The following CEP95 variants were observed in gnomAD, a reference collection of about 807,000 sequenced individuals.
CEP95 encodes centrosomal protein 95.
CEP95 carries 98 observed loss-of-function variants against 111.2 expected under a neutral mutation model. That is an observed-to-expected ratio of 0.88 (90% confidence interval 0.75 to 1.04). CEP95 has a LOEUF of 1.04. Ranked by LOEUF, CEP95 falls within the 50% of genes least tolerant of loss-of-function variation. The pLI, the probability that CEP95 is intolerant of heterozygous loss-of-function variation, is 0.00. For missense variants in CEP95, 1,027 were observed against 977.2 expected, an observed-to-expected ratio of 1.05 and a Z score of -0.68; for synonymous variants, 323 against 327.1, an observed-to-expected ratio of 0.99 and a Z score of 0.14.
intron 11 of CEP95, among the ~76,000 whole-genome samples, chr17:64,527,904 A>ACG (rs1421872792): frequency 2.7e-5 from 4 of 150,014 alleles, no homozygotes; most frequent in African/African-American, 7.4e-5. Flanking sequence ...ACACACACAC[A>ACG]CACGCGTGTA....
rs1254163112 is a variant in CEP95 at position 64,529,324 on chromosome 17, A to G, written c.1343A>G (p.His448Arg). The G allele has an allele frequency of 2.5e-6, 4 of 1,613,790 alleles. No individual in the cohort carries two copies. The highest frequency in any genetic ancestry group is 3.4e-6 in the Non-Finnish European group (4 of 1,179,812). The change falls in exon 12 of 20, where the codon CAT becomes CGT. Residue 448 changes from histidine to arginine, a missense_variant. Coordinates refer to ENST00000556440, the MANE Select transcript of CEP95 (RefSeq NM_138363.3). Reference protein sequence around the residue: ...SMRRKPPYRSHSLSPSPVNKH... With the variant: ...SMRRKPPYRSRSLSPSPVNKH... ...CGTAGAAAGCCACCCTACAGATCCC[A>G]TTCGCTCTCTCCATCTCCAGTTAAC...
Position 64,533,193 on chromosome 17 carries a change from T to C in CEP95, c.1917+2T>C, listed in dbSNP as rs1181659473. Reference sequence around the variant, plus strand: ...GAATATGAACATAACAAGAGACTGGTATGTCAAGAGCAAGTTGGGTATTAT... The same window carrying C: ...GAATATGAACATAACAAGAGACTGGCATGTCAAGAGCAAGTTGGGTATTAT... On this transcript the variant is annotated splice_donor_variant, in intron 16 of 19. Coordinates refer to ENST00000556440, the MANE Select transcript of CEP95 (RefSeq NM_138363.3). LOFTEE classifies it high-confidence loss of function. The C allele has an allele frequency of 1.9e-6, 3 of 1,580,676 alleles. No homozygotes were observed. Among genetic ancestry groups the C allele is most frequent in the Non-Finnish European group, 2.6e-6 (3 of 1,170,206 alleles).
Position 64,537,622 on chromosome 17 carries a change from G to A in CEP95, c.2309G>A (p.Arg770Lys). 6.2e-7 allele frequency: 1 copy of A among 1,608,938 alleles called. No homozygotes were observed. The highest frequency in any genetic ancestry group is 8.5e-7 in the Non-Finnish European group (1 of 1,176,828). Residue 770 changes from arginine to lysine, a missense_variant, in exon 20 of 20, where the codon AGG becomes AAG. Coordinates refer to ENST00000556440, the MANE Select transcript of CEP95 (RefSeq NM_138363.3). Reference sequence around the variant, plus strand: ...TTTCAGACATTACATAAGGTGAAGAGGGAGCTGAGATCTAAGATGGAGAAG... The same window carrying A: ...TTTCAGACATTACATAAGGTGAAGAAGGAGCTGAGATCTAAGATGGAGAAG... ...SQAQTLHKVK[R>K]ELRSKMEKEI...
At chr17:64,516,905 A>T (rs1015552872) in intron 5 of CEP95, 77 bp downstream of exon 5, 16 of 781,228 alleles carry the variant, frequency 2.0e-5, no homozygotes, top group Middle Eastern at 3.0e-4. Flanking sequence ...CACGTAATAT[A>T]CCAAGATGGC....
intron 1 of CEP95, chr17:64,507,406 T>C: frequency 7.3e-7 from 1 of 1,370,798 alleles, no homozygotes; most frequent in South Asian, 1.7e-5. Flanking sequence ...TCCCCGGACT[T>C]GTCTTTCTGT....
At chr17:64,513,948 C>T (rs1320621543) in intron 3 of CEP95, among the ~76,000 whole-genome samples, 1 of 152,060 alleles carries the variant, frequency 6.6e-6, no homozygotes, top group Non-Finnish European at 1.5e-5. Flanking sequence ...TTCTTAAGTC[C>T]AATTATTTTG....
At chr17:64,513,547 T>C (rs1478047914) in intron 3 of CEP95, among the ~76,000 whole-genome samples, 3 of 152,198 alleles carry the variant, frequency 2.0e-5, no homozygotes, top group Admixed American at 6.5e-5. Flanking sequence ...GTTATGAATA[T>C]GAAGTGGATA....
intron 5 of CEP95, among the ~76,000 whole-genome samples, 160 bp from the exon 6 acceptor site, chr17:64,519,161 C>T (rs1347530987): frequency 6.6e-6 from 1 of 152,210 alleles, no homozygotes; most frequent in Non-Finnish European, 1.5e-5. Flanking sequence ...GCTATTTCTA[C>T]CATTCATATA....
At chr17:64,512,284 G>A (rs367883439) in intron 3 of CEP95, among the ~76,000 whole-genome samples, 4 of 152,192 alleles carry the variant, frequency 2.6e-5, no homozygotes, top group African/African-American at 9.7e-5. Context: ...TCGTAATACT[G>A]ATTGCTTCCA....
At chr17:64,518,060 A>G (rs1466006695) in intron 5 of CEP95, among the ~76,000 whole-genome samples, 1 of 152,062 alleles carries the variant, frequency 6.6e-6, no homozygotes, top group Non-Finnish European at 1.5e-5. Flanking sequence ...TATCTTTAGT[A>G]AAGGTGAGTT....
At chr17:64,528,164 T>G (rs1405644595) in intron 11 of CEP95, among the ~76,000 whole-genome samples, 3 of 152,198 alleles carry the variant, frequency 2.0e-5, no homozygotes, top group Non-Finnish European at 4.4e-5. Flanking sequence ...CTGTTTGATA[T>G]GCCATTGTTC....
chr17:64,512,880 T>TA (rs2038966334), intron 3 of CEP95, among the ~76,000 whole-genome samples: 1 of 152,200 alleles, frequency 6.6e-6, no homozygotes, highest in African/African-American at 2.4e-5. Flanking sequence ...TTGTTAAACA[T>TA]ACTATAGCAG....
rs2038569792 is a variant in CEP95, at chr17:64,506,982, C to A, written c.-116C>A. 2 of 1,205,528 alleles carry A rather than the reference C, an allele frequency of 1.7e-6. No individual in the cohort carries two copies. The highest frequency in any genetic ancestry group is 1.2e-6 in the Non-Finnish European group (1 of 832,710). The allele number at this position is 1,205,528 out of a possible 1,614,324, so 74.7% of individuals were successfully genotyped here. On this transcript the variant is annotated 5_prime_UTR_variant, in exon 1 of 20. Coordinates refer to ENST00000556440, the MANE Select transcript of CEP95 (RefSeq NM_138363.3). ...CCGTCCTTCTTTCACGCCTCCTTCC[C>A]CGCGCTTTGGTTCGTGCGTCCGCGC...
chr17:64,508,591 G>T lies in CEP95; in HGVS notation c.20-1G>T. 7.2e-7 allele frequency: 1 copy of T among 1,387,080 alleles called. No individual in the cohort carries two copies. The highest frequency in any genetic ancestry group is 2.7e-5 in the Admixed American group (1 of 36,718). The allele number at this position is 1,387,080 out of a possible 1,614,324, so 85.9% of individuals were successfully genotyped here. On this transcript the variant is annotated splice_acceptor_variant, in intron 1 of 19. Coordinates refer to ENST00000556440, the MANE Select transcript of CEP95 (RefSeq NM_138363.3). LOFTEE classifies it high-confidence loss of function. ...TGATCTTTCCCCCTTTTTCCCAACAGAGTGGGTAACCATTGCCAATAACCT... is the reference window on the plus strand; with the variant it reads ...TGATCTTTCCCCCTTTTTCCCAACATAGTGGGTAACCATTGCCAATAACCT...
chr17:64,510,691 A>C (rs1411610682), intron 3 of CEP95, among the ~76,000 whole-genome samples: 1 of 152,238 alleles, frequency 6.6e-6, no homozygotes, highest in Admixed American at 6.5e-5. Context: ...CCGGGGCTAC[A>C]GGTGTGCACC....
chr17:64,520,747 A>T (rs9891033), intron 6 of CEP95, among the ~76,000 whole-genome samples: 1 of 152,288 alleles, frequency 6.6e-6, no homozygotes, highest in South Asian at 2.1e-4. Context: ...CCATGAGTCC[A>T]TGTTTCTGGT....
rs782090297 is a variant in CEP95 at position 64,526,117 on chromosome 17, C to T, written c.1069C>T (p.Gln357Ter). Residue 357 changes from glutamine to a stop codon, truncating the protein, a stop_gained, in exon 10 of 20, where the codon CAG becomes TAG. Transcript: ENST00000556440. LOFTEE classifies it high-confidence loss of function. ...TASSCNSPFP[Q>*]RPRKRLTEQE... ...CTCATCCTGCAATTCACCTTTCCCCCAGAGGCCAAGAAAGAGATTAACAGA... is the reference window on the plus strand; with the variant it reads ...CTCATCCTGCAATTCACCTTTCCCCTAGAGGCCAAGAAAGAGATTAACAGA... 2 of 1,613,680 alleles carry T rather than the reference C, an allele frequency of 1.2e-6. No homozygotes were observed. Among genetic ancestry groups the T allele is most frequent in the Admixed American group, 1.7e-5 (1 of 59,998 alleles).
At chr17:64,533,056 T>C (rs781961052) in intron 15 of CEP95, 48 bp downstream of exon 15, 8 of 1,604,980 alleles carry the variant, frequency 5.0e-6, no homozygotes, top group Non-Finnish European at 5.9e-6. Context: ...GAGAAGAGCT[T>C]ATCCTTAAGA....
intron 3 of CEP95, among the ~76,000 whole-genome samples, chr17:64,511,730 A>G (rs1435864169): frequency 6.6e-6 from 1 of 152,230 alleles, no homozygotes; most frequent in African/African-American, 2.4e-5. Context: ...GGAAATCACA[A>G]GGGTATTGAT....
Sources: allele counts gnomAD v4.1 joint callset (sites outside exome capture counted in the v4.1 genomes callset), GRCh38; gene constraint gnomAD v4.1.1; transcripts MANE v1.5; gene names NCBI Gene and HGNC (gene_info 2026-07-23, HGNC 2026-07-21).